Variants in GPM6B observed in about 807,000 individuals in gnomAD.
GPM6B encodes the protein glycoprotein M6B.
A neutral mutation model predicts 27.2 loss-of-function variants in GPM6B; 4 were observed. The ratio of observed to expected loss-of-function variants is 0.15; its 90% confidence interval spans 0.07 to 0.34. The LOEUF (loss-of-function observed/expected upper bound fraction) is 0.34, where lower values mean the gene tolerates loss of function less well. GPM6B is among the 10% of genes least tolerant of loss of function. GPM6B has a pLI of 1.00. For synonymous variants in GPM6B, 124 were observed against 103.1 expected (o/e 1.20, Z -1.23); for missense variants, 183 against 261.9 (o/e 0.70, Z 2.08).
chrX:13,858,362 C>T (rs1159736127), intron 1 of GPM6B, among the ~76,000 whole-genome samples: 1 of 111,745 alleles, frequency 8.9e-6, no homozygotes, highest in Non-Finnish European at 1.9e-5. Context: ...AAATGGTTGA[C>T]AACTGGCTGG....
At chrX:13,869,199 T>C (rs1041380628) in intron 1 of GPM6B, among the ~76,000 whole-genome samples, 1 of 111,874 alleles carries the variant, frequency 8.9e-6, no homozygotes, top group East Asian at 2.8e-4. Context: ...CTCAGAAACA[T>C]CATGCTAAGT....
intron 1 of GPM6B, among the ~76,000 whole-genome samples, chrX:13,930,168 T>C (rs1440892206): frequency 1.8e-5 from 2 of 112,484 alleles, no homozygotes; most frequent in Admixed American, 1.9e-4. Flanking sequence ...AAATTCTATT[T>C]TTGATTACTA....
chrX:13,780,810 A>G (rs2048502917), intron 4 of GPM6B: 1 of 176,864 alleles, frequency 5.7e-6, no homozygotes, highest in Non-Finnish European at 1.1e-5. Context: ...TGTTCTCAGA[A>G]GGCGCGCCCA....
At chrX:13,922,536 C>T (rs1255045128) in intron 1 of GPM6B, among the ~76,000 whole-genome samples, 5 of 112,189 alleles carry the variant, frequency 4.5e-5, no homozygotes, top group Non-Finnish European at 5.6e-5. Context: ...GAAAGCCCAA[C>T]GCCTTCAAGC....
At chrX:13,818,058 C>A (rs1307220848), upstream of GPM6B, among the ~76,000 whole-genome samples, 1 of 112,084 alleles carries the variant, frequency 8.9e-6, no homozygotes, top group Non-Finnish European at 1.9e-5. Flanking sequence ...AATGATTTGC[C>A]TTCTTGCATA....
intron 1 of GPM6B, among the ~76,000 whole-genome samples, chrX:13,863,626 T>G (rs2049877041): frequency 8.9e-6 from 1 of 112,120 alleles, no homozygotes; most frequent in Non-Finnish European, 1.9e-5. Flanking sequence ...CCTTCTGAAA[T>G]GAATGCAGCT....
intron 1 of GPM6B, among the ~76,000 whole-genome samples, chrX:13,828,395 G>T (rs903076700): frequency 3.6e-5 from 4 of 111,244 alleles, no homozygotes; most frequent in Admixed American, 1.9e-4. Context: ...GTGATGCTCT[G>T]TACCACCTTG....
intron 1 of GPM6B, among the ~76,000 whole-genome samples, chrX:13,839,235 T>G (rs1044701336): frequency 8.9e-6 from 1 of 111,740 alleles, no homozygotes; most frequent in Non-Finnish European, 1.9e-5. Context: ...TTCAACCAAC[T>G]GCCAATCAGG....
intron 7 of GPM6B, 123 bp downstream of exon 7, chrX:13,776,115 T>G (rs900461569): frequency 3.4e-5 from 19 of 557,476 alleles, no homozygotes; most frequent in Admixed American, 3.0e-4. Context: ...AGGCGCCAGT[T>G]AACCAAGGTT....
intron 1 of GPM6B, among the ~76,000 whole-genome samples, chrX:13,878,630 A>AC (rs199799651): frequency 0.012 from 1,319 of 111,181 alleles, 6 homozygotes; most frequent in Middle Eastern, 0.032. Flanking sequence ...GCAGCATCAT[A>AC]CCCCCCACCC....
Position 13,807,719 on chromosome X carries a change from C to G in GPM6B, c.112G>C (p.Gly38Arg), listed in dbSNP as rs2049049588. ...GGATGGTACTGGTGGTTCTTTGAGCCTGGGTACATCCAGTGGTACCTGCCA... is the reference window on the plus strand; with the variant it reads ...GGATGGTACTGGTGGTTCTTTGAGCGTGGGTACATCCAGTGGTACCTGCCA... ...EIGRYHWMYP[G>R]SKNHQYHPVP... is the part of the protein sequence containing the mutation. Residue 38 changes from glycine (G) to arginine (R), a missense_variant, in exon 2 of 8, where the codon GGC becomes CGC. Coordinates refer to ENST00000316715, the MANE Select transcript of GPM6B (RefSeq NM_001001995.3). 1 of 1,205,189 alleles carries G rather than the reference C, an allele frequency of 8.3e-7. No homozygotes were observed. The highest frequency in any genetic ancestry group is 1.1e-6 in the Non-Finnish European group (1 of 891,175).
chrX:13,833,571 T>TAAAAAAAAAAAAAAAAAAAA (rs2049464290), intron 1 of GPM6B, among the ~76,000 whole-genome samples: 2 of 58,302 alleles, frequency 3.4e-5, no homozygotes, highest in Non-Finnish European at 6.1e-5. Context: ...AAAAAAAAAC[T>TAAAAAAAAAAAAAAAAAAAA]AGAAAAAAAA....
intron 2 of GPM6B, among the ~76,000 whole-genome samples, chrX:13,806,058 T>C (rs761347266): frequency 9.0e-6 from 1 of 111,673 alleles, no homozygotes; most frequent in African/African-American, 3.3e-5. Context: ...CTGTTTCAAG[T>C]ATACAATTCA....
At chrX:13,773,925 CA>C (rs201245044) in intron 7 of GPM6B, 917 of 544,111 alleles carry the variant, frequency 1.7e-3, no homozygotes, top group African/African-American at 2.8e-3. Flanking sequence ...TGTGTTGTAC[CA>C]AAAAAAAAAC....
intron 1 of GPM6B, among the ~76,000 whole-genome samples, chrX:13,900,820 A>T (rs1393964013): frequency 1.8e-5 from 2 of 112,037 alleles, no homozygotes; most frequent in Non-Finnish European, 1.9e-5. Context: ...CTGCAAACGG[A>T]ACTCTCTAGC....
chrX:13,860,575 G>A (rs1290317695), intron 1 of GPM6B, among the ~76,000 whole-genome samples: 1 of 109,833 alleles, frequency 9.1e-6, no homozygotes, highest in African/African-American at 3.3e-5. Context: ...TTTGGCAACT[G>A]TAAGAAGATT....
intron 5 of GPM6B, among the ~76,000 whole-genome samples, chrX:13,778,411 CTATGATTT>C (rs2048455937): frequency 8.9e-6 from 1 of 112,373 alleles, no homozygotes; most frequent in South Asian, 3.6e-4. Context: ...CAAGCAGAGT[CTATGATTT>C]CTCTCTCACT....
At chrX:13,838,940 G>T (rs768514078) in intron 1 of GPM6B, among the ~76,000 whole-genome samples, 1 of 111,447 alleles carries the variant, frequency 9.0e-6, no homozygotes, top group African/African-American at 3.3e-5. Flanking sequence ...AAGTAAATCT[G>T]AAAAACTAGT....
At chrX:13,814,759 C>A (rs1310939380) in intron 1 of GPM6B, among the ~76,000 whole-genome samples, 5 of 111,471 alleles carry the variant, frequency 4.5e-5, no homozygotes, top group African/African-American at 1.6e-4. Flanking sequence ...ATAAGCCACC[C>A]TCCAGATCAA....
Sources: allele counts gnomAD v4.1 joint callset (sites outside exome capture counted in the v4.1 genomes callset), GRCh38; gene constraint gnomAD v4.1.1; transcripts MANE v1.5; gene names NCBI Gene and HGNC (gene_info 2026-07-23, HGNC 2026-07-21).